B3GALT1: variants seen among roughly 807,000 people sequenced by gnomAD.
B3GALT1 encodes the protein beta-1,3-galactosyltransferase 1.
B3GALT1 carries 10 observed loss-of-function variants against 23.2 expected under a neutral mutation model. The ratio of observed to expected loss-of-function variants is 0.43; its 90% CI spans 0.27 to 0.73. B3GALT1 has a LOEUF of 0.73. Ranked by LOEUF, B3GALT1 falls within the 30% of genes least tolerant of loss-of-function variation. The probability of loss-of-function intolerance (pLI) is 0.21; values close to 1 mark genes in which losing one functional copy is unlikely to be tolerated. For synonymous variants in B3GALT1, 156 were observed against 141.5 expected (o/e 1.10, Z -0.73); for missense variants, 299 against 405.4 (o/e 0.74, Z 2.25).
chr2:167,534,807 G>A (rs1683387848), intron 2 of B3GALT1, among the ~76,000 whole-genome samples: 1 of 152,180 alleles, frequency 6.6e-6, no homozygotes, highest in South Asian at 2.1e-4. Flanking sequence ...TAGTACCACT[G>A]TTCTTACAAT....
At chr2:167,686,686 T>G (rs1158828407) in intron 3 of B3GALT1, among the ~76,000 whole-genome samples, 17 of 152,228 alleles carry the variant, frequency 1.1e-4, no homozygotes, top group Non-Finnish European at 4.4e-5. Context: ...TTATTTCTAT[T>G]TCGTGCTCAT....
chr2:167,646,134 C>T (rs763527254), intron 2 of B3GALT1, among the ~76,000 whole-genome samples: 35 of 151,838 alleles, frequency 2.3e-4, no homozygotes, highest in African/African-American at 3.4e-4. Flanking sequence ...AGGTTTGGTG[C>T]GAAGAAGTGA....
chr2:167,621,238 A>G (rs2105439416), intron 2 of B3GALT1, among the ~76,000 whole-genome samples: 1 of 151,566 alleles, frequency 6.6e-6, no homozygotes, highest in Non-Finnish European at 1.5e-5. Context: ...ACAGGCACAC[A>G]CCACCACACC....
chr2:167,578,209 A>G (rs1684418579), intron 2 of B3GALT1, among the ~76,000 whole-genome samples: 2 of 151,960 alleles, frequency 1.3e-5, no homozygotes, highest in African/African-American at 4.8e-5. Flanking sequence ...TTCAGATATC[A>G]CCTAGCCTAG....
intron 2 of B3GALT1, among the ~76,000 whole-genome samples, chr2:167,626,169 TA>T (rs1685340748): frequency 6.6e-6 from 1 of 151,264 alleles, no homozygotes; most frequent in Admixed American, 6.6e-5. Flanking sequence ...ATACCATATT[TA>T]TTTTTTGGTG....
At chr2:167,772,977 C>G (rs938392342) in intron 3 of B3GALT1, among the ~76,000 whole-genome samples, 2 of 152,126 alleles carry the variant, frequency 1.3e-5, no homozygotes, top group Non-Finnish European at 2.9e-5. Context: ...TCAAAAATTT[C>G]TATGGGCTTC....
At chr2:167,565,399 A>C (rs1684138149) in intron 2 of B3GALT1, among the ~76,000 whole-genome samples, 1 of 152,184 alleles carries the variant, frequency 6.6e-6, no homozygotes, top group Non-Finnish European at 1.5e-5. Context: ...AAAACCACAA[A>C]AACCCTAGAA....
Position 167,857,808 on chromosome 2 carries a change from T to A in B3GALT1, c.-229-11003T>A, listed in dbSNP as rs1201492109. Among the ~76,000 whole-genome samples the A allele has an allele frequency of 3.9e-5, 6 of 152,246 alleles. No homozygotes were observed. In the East Asian group the frequency reaches 9.7e-4, roughly 25 times the overall value. Reference sequence around the variant, plus strand: ...CTGTCATTGTCACCCAGGCATTCCTTTGGGTGCATTTCTAGAACAATTTAT... The same window carrying A: ...CTGTCATTGTCACCCAGGCATTCCTATGGGTGCATTTCTAGAACAATTTAT... On this transcript the variant is annotated intron_variant, in intron 4 of 4. Transcript: ENST00000392690.
chr2:167,428,184 A>G (rs1033777657), intron 1 of B3GALT1, among the ~76,000 whole-genome samples: 1 of 152,262 alleles, frequency 6.6e-6, no homozygotes, highest in Non-Finnish European at 1.5e-5. Context: ...TAGGCAAACA[A>G]ATGGAACTAG....
At chr2:167,411,557 C>T (rs1020262836) in intron 1 of B3GALT1, among the ~76,000 whole-genome samples, 2 of 152,116 alleles carry the variant, frequency 1.3e-5, no homozygotes, top group African/African-American at 4.8e-5. Context: ...TATCAATAGA[C>T]AGGCAATGAC....
At chr2:167,488,026 C>T (rs773807106) in intron 1 of B3GALT1, among the ~76,000 whole-genome samples, 10 of 151,978 alleles carry the variant, frequency 6.6e-5, no homozygotes, top group Admixed American at 3.9e-4. Context: ...AGGACATAGA[C>T]GACCTAAATT....
At chr2:167,654,386 C>T (rs1457518711) in intron 3 of B3GALT1, among the ~76,000 whole-genome samples, 1 of 152,156 alleles carries the variant, frequency 6.6e-6, no homozygotes, top group African/African-American at 2.4e-5. Context: ...CTTTCTGCTC[C>T]CCACTTCTCC....
intron 3 of B3GALT1, among the ~76,000 whole-genome samples, chr2:167,700,831 C>T (rs779269892): frequency 1.3e-5 from 2 of 152,078 alleles, no homozygotes; most frequent in African/African-American, 2.4e-5. Context: ...CTCATATCTC[C>T]GGGGTTCACC....
intron 2 of B3GALT1, among the ~76,000 whole-genome samples, chr2:167,644,055 G>C (rs182047790): frequency 1.3e-5 from 2 of 152,130 alleles, no homozygotes; most frequent in Non-Finnish European, 2.9e-5. Flanking sequence ...AGTAAAGTAA[G>C]ATAAAAGAGC....
chr2:167,696,506 C>T (rs1686794345), intron 3 of B3GALT1, among the ~76,000 whole-genome samples: 1 of 152,100 alleles, frequency 6.6e-6, no homozygotes, highest in Admixed American at 6.6e-5. Context: ...CAGTTTTACA[C>T]ATTTAGCAAT....
At chr2:167,545,056 A>G (rs1478886819) in intron 2 of B3GALT1, among the ~76,000 whole-genome samples, 2 of 24,684 alleles carry the variant, frequency 8.1e-5, no homozygotes, top group Non-Finnish European at 1.3e-4. Context: ...TTTTTTTTTG[A>G]GACAGTCTCG....
intron 2 of B3GALT1, among the ~76,000 whole-genome samples, chr2:167,598,734 A>T (rs1274190385): frequency 6.6e-6 from 1 of 152,190 alleles, no homozygotes; most frequent in Non-Finnish European, 1.5e-5. Flanking sequence ...TTCCTTTATT[A>T]AATCTAGGTG....
intron 3 of B3GALT1, among the ~76,000 whole-genome samples, chr2:167,791,494 G>C (rs1184722110): frequency 1.3e-5 from 2 of 152,088 alleles, no homozygotes; most frequent in Non-Finnish European, 2.9e-5. Flanking sequence ...ACTGCCTTCT[G>C]CCTGCCTGGG....
At position 167,749,019 on chromosome 2, in the gene B3GALT1, A is replaced by G. The variant is rs1040567578; in HGVS notation, c.-351-69653A>G. Among the ~76,000 whole-genome samples the G allele has an allele frequency of 2.0e-5, 3 of 152,152 alleles. No homozygotes were observed. The East Asian group carries it at 5.8e-4, about 29-fold the overall frequency. On this transcript the variant is annotated intron_variant, in intron 3 of 4. Coordinates refer to ENST00000392690, the MANE Select transcript of B3GALT1 (RefSeq NM_020981.4). ...GTAGAGTCCAAAGACACCTATAAAT[A>G]AAAAACAGACAAGCCAGGCATAGCT...
Sources: allele counts gnomAD v4.1 joint callset (sites outside exome capture counted in the v4.1 genomes callset), GRCh38; gene constraint gnomAD v4.1.1; transcripts MANE v1.5; gene names NCBI Gene and HGNC (gene_info 2026-07-23, HGNC 2026-07-21).